ZC3H11A: variants seen among roughly 807,000 people sequenced by gnomAD.
ZC3H11A encodes the protein zinc finger CCCH domain-containing protein 11A.
A neutral mutation model predicts 90.8 loss-of-function variants in ZC3H11A; 22 were observed. The ratio of observed to expected loss-of-function variants is 0.24; its 90% CI spans 0.17 to 0.35. The LOEUF is 0.35. Among genes scored for constraint, ZC3H11A ranks in the 10% least tolerant of loss-of-function variants. ZC3H11A has a pLI of 1.00. For synonymous variants in ZC3H11A, 294 were observed against 339.8 expected (o/e 0.87, Z 1.48); for missense variants, 701 against 964.9 (o/e 0.73, Z 3.62).
At position 203,847,529 on chromosome 1, in the gene ZC3H11A, C is replaced by T. The variant is rs147526086; in HGVS notation, c.1388C>T (p.Thr463Ile). Residue 463 changes from threonine to isoleucine, a missense_variant, in exon 13 of 18, where the codon ACA becomes ATA. Thr to Ile is a moderately conservative substitution (Grantham distance 89, BLOSUM62 -1). This residue lies in a region of ZC3H11A where 530 missense variants were observed against 696.2 expected (regional missense o/e 0.76). Coordinates refer to ENST00000367210, the MANE Select transcript of ZC3H11A (RefSeq NM_001376342.1). ...RGQSEEPAGK[T>I]KSMQEVHIKT... Reference sequence around the variant, plus strand: ...CAATCAGAGGAGCCTGCAGGTAAAACAAAGTCTATGCAGGAGGTGCACATC... The same window carrying T: ...CAATCAGAGGAGCCTGCAGGTAAAATAAAGTCTATGCAGGAGGTGCACATC... 8.4e-5 allele frequency: 135 copies of T among 1,613,940 alleles called. 1 individual carries two copies. In the African/African-American group the frequency reaches 1.6e-3, roughly 19 times the overall value.
intron 1 of ZC3H11A, chr1:203,798,543 G>C: frequency 5.2e-6 from 8 of 1,536,142 alleles, no homozygotes; most frequent in Non-Finnish European, 7.0e-6. Context: ...TGAGAGAAGT[G>C]ATCTCTTGAG....
intron 12 of ZC3H11A, among the ~76,000 whole-genome samples, chr1:203,843,685 G>C (rs990990543): frequency 4.6e-5 from 7 of 152,162 alleles, no homozygotes; most frequent in Admixed American, 1.3e-4. Flanking sequence ...AAATTAGGTG[G>C]TGGCCATATG....
chr1:203,838,185 T>C (rs1482709886), intron 11 of ZC3H11A, 121 bp downstream of exon 11: 18 of 922,642 alleles, frequency 2.0e-5, no homozygotes, highest in South Asian at 5.3e-5. Flanking sequence ...GTATTTGTTA[T>C]ATTATTCACT....
Position 203,849,783 on chromosome 1 carries a change from C to T in ZC3H11A, c.1696C>T (p.His566Tyr), listed in dbSNP as rs1688821384. 6.2e-7 allele frequency: 1 copy of T among 1,613,776 alleles called. No individual in the cohort carries two copies. The highest frequency in any genetic ancestry group is 1.3e-5 in the African/African-American group (1 of 74,870). Residue 566 changes from histidine to tyrosine, a missense_variant, in exon 15 of 18, where the codon CAC becomes TAC. Physicochemically the swap from His to Tyr is moderately conservative, Grantham distance 83. Coordinates refer to ENST00000367210, the MANE Select transcript of ZC3H11A (RefSeq NM_001376342.1). ...GAGATGTGAGACCATGAGAGAGAAG[C>T]ACATGCAGAAACAGCAGGAGAGGGA... ...VKRCETMREK[H>Y]MQKQQEREKS...
intron 1 of ZC3H11A, chr1:203,797,704 A>G (rs1184763244): frequency 6.5e-7 from 1 of 1,534,972 alleles, no homozygotes; most frequent in East Asian, 2.4e-5. Context: ...CAGCCTGCTA[A>G]AAAGAAAAGA....
intron 4 of ZC3H11A, among the ~76,000 whole-genome samples, chr1:203,824,268 C>T (rs1023941664): frequency 1.1e-4 from 7 of 63,162 alleles, no homozygotes; most frequent in Admixed American, 5.1e-4. Flanking sequence ...ACTCCCATCT[C>T]AAAATTAAAA....
chr1:203,798,008 A>G (rs1669212982), intron 1 of ZC3H11A: 13 of 1,534,050 alleles, frequency 8.5e-6, no homozygotes, highest in Admixed American at 7.8e-5. Context: ...GCAGGGGTAA[A>G]CCAGGTAGCC....
At chr1:203,835,485 C>A (rs1273970963) in intron 10 of ZC3H11A, 1 of 156,276 alleles carries the variant, frequency 6.4e-6, no homozygotes, top group Non-Finnish European at 1.4e-5. Flanking sequence ...AATCAAGAAA[C>A]AATAACAGTT....
chr1:203,818,962 G>C (rs1192747805), intron 4 of ZC3H11A, among the ~76,000 whole-genome samples: 1 of 151,318 alleles, frequency 6.6e-6, no homozygotes, highest in Non-Finnish European at 1.5e-5. Context: ...CCAGCTACTC[G>C]GGAGGCTGAG....
intron 12 of ZC3H11A, among the ~76,000 whole-genome samples, chr1:203,840,767 A>G (rs1558136249): frequency 6.6e-6 from 1 of 151,798 alleles, no homozygotes; most frequent in Non-Finnish European, 1.5e-5. Flanking sequence ...CCGAGTAGCT[A>G]GAATTACAGG....
intron 12 of ZC3H11A, among the ~76,000 whole-genome samples, chr1:203,841,322 C>T (rs1165139607): frequency 6.6e-6 from 1 of 151,986 alleles, no homozygotes; most frequent in Non-Finnish European, 1.5e-5. Flanking sequence ...GTGTTTGTGT[C>T]CCTGGGTACT....
chr1:203,799,333 A>G (rs781727152), intron 1 of ZC3H11A: 27 of 706,626 alleles, frequency 3.8e-5, no homozygotes, highest in Admixed American at 2.0e-5. Context: ...AGCATTGAGA[A>G]TATGTTAGTG....
intron 9 of ZC3H11A, among the ~76,000 whole-genome samples, chr1:203,833,177 G>A (rs151039937): frequency 3.3e-5 from 5 of 152,204 alleles, no homozygotes; most frequent in East Asian, 3.9e-4. Context: ...AGACCAGCCC[G>A]ACCAACGCGG....
chr1:203,819,226 A>ATT (rs967842944), intron 4 of ZC3H11A, among the ~76,000 whole-genome samples: 1 of 123,808 alleles, frequency 8.1e-6, no homozygotes. Flanking sequence ...CTTTCTTTTT[A>ATT]TTTTTTTTTT....
rs758839560 is a variant in ZC3H11A, at chr1:203,833,821, C to T, written c.842C>T (p.Thr281Ile). ...GAACCCTTGGTTAGATTGAGTCTTA[C>T]TGAGAGACTGGGGAAACGAAAATTT... The part of the protein sequence containing the change: ...GEEPLVRLSL[T>I]ERLGKRKFSA... Residue 281 changes from threonine to isoleucine, a missense_variant, in exon 10 of 18, where the codon ACT (threonine) becomes ATT (isoleucine). Around this residue, in one of 4 missense-constraint regions of ZC3H11A, gnomAD observed 530 missense variants for 696.2 expected, o/e 0.76. Transcript: ENST00000367210. The T allele has an allele frequency of 8.7e-6, 14 of 1,610,216 alleles. No homozygotes were observed. The highest frequency in any genetic ancestry group is 1.1e-5 in the Non-Finnish European group (13 of 1,178,658).
intron 9 of ZC3H11A, among the ~76,000 whole-genome samples, chr1:203,832,219 C>T (rs137878332): frequency 3.3e-5 from 5 of 151,978 alleles, no homozygotes; most frequent in East Asian, 1.9e-4. Context: ...CCACCAAGCC[C>T]GGCTGATTTT....
chr1:203,824,612 G>A (rs983336985), intron 4 of ZC3H11A, among the ~76,000 whole-genome samples: 2 of 151,918 alleles, frequency 1.3e-5, no homozygotes, highest in African/African-American at 2.4e-5. Context: ...CAGGTGAGGC[G>A]GAACAGAGCT....
chr1:203,831,679 C>G lies in ZC3H11A; in HGVS notation c.719C>G (p.Ser240Cys). The G allele has an allele frequency of 1.2e-6, 2 of 1,612,602 alleles. No individual in the cohort carries two copies. The highest frequency in any genetic ancestry group is 1.7e-6 in the Non-Finnish European group (2 of 1,179,370). The change falls in exon 9 of 18, where the codon TCC becomes TGC. Residue 240 changes from serine (S) to cysteine (C), a missense_variant. By Grantham distance (112) the Ser-to-Cys change is moderately radical. This residue lies in a region of ZC3H11A where 530 missense variants were observed against 696.2 expected (regional missense o/e 0.76). Transcript: ENST00000367210. ...KKQGEGSSGVSSLLLHPEPVP... is the reference protein window; with the variant it reads ...KKQGEGSSGVCSLLLHPEPVP... ...TATTCAGAGGGTTCTTCAGGAGTTTCCAGTCTTTTACTCCACCCTGAGCCC... is the reference window on the plus strand; with the variant it reads ...TATTCAGAGGGTTCTTCAGGAGTTTGCAGTCTTTTACTCCACCCTGAGCCC...
intron 1 of ZC3H11A, chr1:203,798,462 C>T (rs1669393001): frequency 6.5e-7 from 1 of 1,536,016 alleles, no homozygotes; most frequent in Admixed American, 2.0e-5. Flanking sequence ...GCAAGCCACA[C>T]ATCCTATCCA....
Sources: allele counts gnomAD v4.1 joint callset (sites outside exome capture counted in the v4.1 genomes callset), GRCh38; gene constraint gnomAD v4.1.1; regional missense constraint gnomAD v4.1.1; transcripts MANE v1.5; gene names NCBI Gene and HGNC (gene_info 2026-07-23, HGNC 2026-07-21).